Variants in TYW1B observed in about 807,000 individuals in gnomAD.
TYW1B encodes tRNA-yW synthesizing protein 1 homolog B.
In TYW1B, 73 loss-of-function variants were observed where a neutral mutation model predicts 86.9. That is an observed-to-expected ratio of 0.84 (90% confidence interval 0.70 to 1.02). TYW1B has a LOEUF of 1.02. TYW1B is among the 50% of genes least tolerant of loss of function. The pLI is 0.00. For missense variants in TYW1B, 637 were observed against 827.4 expected (o/e 0.77, Z 2.82); for synonymous variants, 248 against 292.8 (o/e 0.85, Z 1.56).
At chr7:72,714,643 C>T (rs1262488868) in intron 9 of TYW1B, among the ~76,000 whole-genome samples, 1 of 151,748 alleles carries the variant, frequency 6.6e-6, no homozygotes, top group African/African-American at 2.4e-5. Context: ...ATAGGCTGGG[C>T]GCAGTGGCTC....
At chr7:72,619,663 A>AAG (rs1554437611) in intron 12 of TYW1B, among the ~76,000 whole-genome samples, 4 of 151,856 alleles carry the variant, frequency 2.6e-5, no homozygotes, top group Non-Finnish European at 5.9e-5. Flanking sequence ...AAAAAAAAAA[A>AAG]AAAGAAATCA....
chr7:72,821,812 T>C (rs1349379521), intron 2 of TYW1B, among the ~76,000 whole-genome samples: 10 of 152,142 alleles, frequency 6.6e-5, no homozygotes, highest in Admixed American at 5.9e-4. Flanking sequence ...GGATTACAAG[T>C]AGAGCAGGCT....
chr7:72,750,470 C>A (rs1166415735), intron 7 of TYW1B, among the ~76,000 whole-genome samples: 4 of 152,064 alleles, frequency 2.6e-5, no homozygotes, highest in African/African-American at 4.8e-5. Context: ...TAGATTGTTT[C>A]TCTCAAGGTG....
At chr7:72,828,013 T>C in intron 1 of TYW1B, 59 bp downstream of exon 1, 1 of 1,609,110 alleles carries the variant, frequency 6.2e-7, no homozygotes, top group Non-Finnish European at 8.5e-7. Flanking sequence ...GGAGAGGGTC[T>C]CAGTAAAACG....
intron 3 of TYW1B, among the ~76,000 whole-genome samples, chr7:72,812,752 G>A (rs1228536133): frequency 2.0e-5 from 3 of 149,926 alleles, no homozygotes; most frequent in African/African-American, 7.4e-5. Context: ...CTGGAGTGCA[G>A]TGGCATGATC....
intron 7 of TYW1B, among the ~76,000 whole-genome samples, chr7:72,776,925 T>C (rs1476063953): frequency 2.0e-4 from 30 of 152,136 alleles, no homozygotes; most frequent in African/African-American, 7.0e-4. Context: ...AAAAGGCCTC[T>C]CATAAATATA....
At chr7:72,745,805 G>A (rs1177942367) in intron 7 of TYW1B, among the ~76,000 whole-genome samples, 2 of 151,338 alleles carry the variant, frequency 1.3e-5, no homozygotes, top group Non-Finnish European at 2.9e-5. Context: ...CGAACAAGCA[G>A]AAGGAAAGCA....
intron 11 of TYW1B, among the ~76,000 whole-genome samples, chr7:72,639,593 G>C (rs1271408656): frequency 6.6e-5 from 10 of 152,196 alleles, no homozygotes; most frequent in African/African-American, 2.4e-4. Context: ...GCTGGGCACA[G>C]TGGCTCATGC....
chr7:72,676,719 G>A (rs1356416228), intron 11 of TYW1B, among the ~76,000 whole-genome samples: 1 of 152,180 alleles, frequency 6.6e-6, no homozygotes. Flanking sequence ...CAGCACTTTG[G>A]GAGGCCGAGG....
At chr7:72,756,926 T>C (rs1039907256) in intron 7 of TYW1B, among the ~76,000 whole-genome samples, 1 of 152,102 alleles carries the variant, frequency 6.6e-6, no homozygotes, top group Non-Finnish European at 1.5e-5. Flanking sequence ...TGCAAACCTC[T>C]AAGAGATACC....
intron 7 of TYW1B, among the ~76,000 whole-genome samples, chr7:72,764,271 G>A (rs1449457846): frequency 6.6e-6 from 1 of 152,056 alleles, no homozygotes; most frequent in African/African-American, 2.4e-5. Context: ...TGCTTTTTAT[G>A]AAAATGACTT....
chr7:72,643,551 C>T (rs1485835810), intron 11 of TYW1B, among the ~76,000 whole-genome samples: 3 of 151,512 alleles, frequency 2.0e-5, no homozygotes, highest in African/African-American at 7.3e-5. Context: ...CGCAACACTG[C>T]ACTCCAGCCT....
At chr7:72,798,108 A>G (rs1397545113) in intron 6 of TYW1B, among the ~76,000 whole-genome samples, 1 of 152,088 alleles carries the variant, frequency 6.6e-6, no homozygotes, top group Non-Finnish European at 1.5e-5. Flanking sequence ...TTAAATCTTA[A>G]GTCCGTCTCA....
At chr7:72,769,486 C>T (rs1787830229) in intron 7 of TYW1B, among the ~76,000 whole-genome samples, 2 of 152,144 alleles carry the variant, frequency 1.3e-5, no homozygotes, top group African/African-American at 4.8e-5. Context: ...TCTTTGTGAC[C>T]TTGTGGTTGG....
At chr7:72,647,242 T>C (rs1812950070) in intron 11 of TYW1B, among the ~76,000 whole-genome samples, 1 of 152,208 alleles carries the variant, frequency 6.6e-6, no homozygotes, top group Admixed American at 6.5e-5. Flanking sequence ...TATTTGTTCG[T>C]TGACGGTGGG....
rs1554470982 is a variant in TYW1B, at chr7:72,778,225, A to C, written c.847-692T>G. 2.6e-5 allele frequency among the ~76,000 whole-genome samples: 4 copies of C among 152,348 alleles called. 1 individual carries two copies. Among genetic ancestry groups the C allele is most frequent in the Non-Finnish European group, 4.4e-5 (3 of 68,036 alleles). Reference sequence around the variant, plus strand: ...ATTTCCTCACCTGAAAAGGGGGAAAAATAATAATAGCAACAGAGAAGAAAT... The same window carrying C: ...ATTTCCTCACCTGAAAAGGGGGAAACATAATAATAGCAACAGAGAAGAAAT... On this transcript the variant is annotated intron_variant, in intron 6 of 13. Coordinates refer to ENST00000620995, the MANE Select transcript of TYW1B (RefSeq NM_001145440.3).
At chr7:72,580,141 T>C (rs1811118473) in intron 13 of TYW1B, among the ~76,000 whole-genome samples, 1 of 152,160 alleles carries the variant, frequency 6.6e-6, no homozygotes, top group Non-Finnish European at 1.5e-5. Context: ...TAAGTTATTC[T>C]GAAATGAACA....
intron 6 of TYW1B, among the ~76,000 whole-genome samples, chr7:72,778,799 CCACCAGGAAATTT>C (rs1788000091): frequency 6.6e-6 from 1 of 152,096 alleles, no homozygotes; most frequent in African/African-American, 2.4e-5. Flanking sequence ...TTGACTTTGG[CCACCAGGAAATTT>C]CACCAGCACA....
intron 7 of TYW1B, among the ~76,000 whole-genome samples, chr7:72,764,554 T>A (rs1380481179): frequency 6.6e-5 from 10 of 152,212 alleles, no homozygotes; most frequent in Non-Finnish European, 1.3e-4. Flanking sequence ...GTGCTGGAAT[T>A]ACAGGGGTGA....
Sources: gnomAD v4.1 joint callset for allele counts (sites outside exome capture counted in the v4.1 genomes callset) on GRCh38, gnomAD v4.1.1 for gene constraint, MANE v1.5 for transcripts, NCBI Gene and HGNC (gene_info 2026-07-23, HGNC 2026-07-21) for gene names.